The following PKN2 variants were observed in gnomAD, a reference collection of about 807,000 sequenced individuals.
The protein encoded by PKN2 is serine/threonine-protein kinase N2.
A neutral mutation model predicts 119.1 loss-of-function variants in PKN2; 38 were observed. The observed-to-expected ratio is 0.32, with a 90% confidence interval of 0.25 to 0.42. The LOEUF (loss-of-function observed/expected upper bound fraction) is 0.42, where lower values mean the gene tolerates loss of function less well. Among genes scored for constraint, PKN2 ranks in the 10% least tolerant of loss-of-function variants. The pLI is 1.00. For missense variants in PKN2, 850 were observed against 1,165.1 expected, an observed-to-expected ratio of 0.73 and a Z score of 3.94; for synonymous variants, 390 against 384.9, an observed-to-expected ratio of 1.01 and a Z score of -0.15.
At chr1:88,820,575 C>T (rs561695303) in intron 16 of PKN2, among the ~76,000 whole-genome samples, 49 of 151,326 alleles carry the variant, frequency 3.2e-4, no homozygotes, top group African/African-American at 1.1e-3. Flanking sequence ...AATTATTGAC[C>T]CATTTTTAAT....
intron 1 of PKN2, among the ~76,000 whole-genome samples, chr1:88,736,704 G>A (rs1226240160): frequency 1.3e-5 from 2 of 152,082 alleles, no homozygotes; most frequent in Non-Finnish European, 2.9e-5. Context: ...GAACATTGAG[G>A]GATTAGCTGT....
chr1:88,762,583 G>A (rs936954392), intron 3 of PKN2, among the ~76,000 whole-genome samples: 4 of 152,130 alleles, frequency 2.6e-5, no homozygotes, highest in Non-Finnish European at 5.9e-5. Context: ...CGGCTCTGGG[G>A]TGTAAGTGTA....
intron 2 of PKN2, among the ~76,000 whole-genome samples, chr1:88,754,397 AAC>A (rs1370565807): frequency 6.6e-6 from 1 of 152,204 alleles, no homozygotes; most frequent in African/African-American, 2.4e-5. Flanking sequence ...GCAGAGGAAA[AAC>A]AGATGTGAAA....
chr1:88,796,995 A>T (rs1173773627), intron 8 of PKN2, among the ~76,000 whole-genome samples: 1 of 152,064 alleles, frequency 6.6e-6, no homozygotes, highest in African/African-American at 2.4e-5. Flanking sequence ...GTGATTCCCA[A>T]ATAGATACAG....
At chr1:88,824,428 C>T (rs1672417175) in intron 18 of PKN2, 42 bp downstream of exon 18, 1 of 1,140,072 alleles carries the variant, frequency 8.8e-7, no homozygotes, top group African/African-American at 1.5e-5. Flanking sequence ...TTCAGAATTA[C>T]TGTTTCTTTG....
intron 1 of PKN2, chr1:88,684,862 A>G (rs547875084): frequency 2.2e-6 from 1 of 464,082 alleles, no homozygotes; most frequent in East Asian, 3.6e-5. Context: ...GATTCTGCCT[A>G]CCAGAGGGGA....
At chr1:88,756,521 A>G (rs1052559562) in intron 2 of PKN2, among the ~76,000 whole-genome samples, 3 of 152,152 alleles carry the variant, frequency 2.0e-5, no homozygotes, top group Admixed American at 2.0e-4. Context: ...TACACCATCA[A>G]CTGTTTTACA....
At chr1:88,806,182 T>G (rs1469151008) in intron 12 of PKN2, 165 bp downstream of exon 12, 1 of 636,604 alleles carries the variant, frequency 1.6e-6, no homozygotes, top group African/African-American at 1.8e-5. Context: ...GAGACAGAGT[T>G]TCACTCTTGT....
chr1:88,817,399 ACT>A (rs1057410325), intron 16 of PKN2, among the ~76,000 whole-genome samples: 3 of 139,278 alleles, frequency 2.2e-5, no homozygotes, highest in African/African-American at 8.4e-5. Flanking sequence ...ACAGAGCAAG[ACT>A]CTGTCTCAAA....
chr1:88,758,062 A>AAAAAAAAAAAAG (rs539880214), intron 2 of PKN2, among the ~76,000 whole-genome samples: 1 of 144,108 alleles, frequency 6.9e-6, no homozygotes, highest in African/African-American at 2.7e-5. Flanking sequence ...AAAAAAAAAA[A>AAAAAAAAAAAAG]AGAAGTGTTT....
chr1:88,729,941 G>A (rs568021533), intron 1 of PKN2, among the ~76,000 whole-genome samples: 14 of 152,196 alleles, frequency 9.2e-5, no homozygotes, highest in East Asian at 1.9e-4. Flanking sequence ...CAAGGCGGGC[G>A]GATCACGAGA....
At chr1:88,691,515 A>C (rs1463615855) in intron 1 of PKN2, among the ~76,000 whole-genome samples, 8 of 152,222 alleles carry the variant, frequency 5.3e-5, no homozygotes, top group Admixed American at 5.2e-4. Flanking sequence ...AAAATTTGTT[A>C]AACATCAGGC....
At chr1:88,728,265 A>G (rs1049014432) in intron 1 of PKN2, among the ~76,000 whole-genome samples, 4 of 152,108 alleles carry the variant, frequency 2.6e-5, no homozygotes, top group Admixed American at 6.5e-5. Context: ...GAAATTTGAC[A>G]GTTAATTTTT....
rs1669394553 is a variant in PKN2, at chr1:88,760,387, T to A, written c.504+11T>A. The A allele has an allele frequency of 1.4e-6, 2 of 1,411,532 alleles. No homozygotes were observed. Among genetic ancestry groups the A allele is most frequent in the Non-Finnish European group, 2.0e-6 (2 of 1,022,634 alleles). 87.4% of individuals were successfully genotyped at this position (1,411,532 alleles called of 1,614,324 possible). ...AATGGATCTTCAAAGGTAAGTGTAG[T>A]TAATAAATGTAACTATATAGTCAGT... On this transcript the variant is annotated intron_variant, in intron 3 of 21. Coordinates refer to ENST00000370521, the MANE Select transcript of PKN2 (RefSeq NM_006256.4).
chr1:88,829,560 C>T (rs905801323), intron 19 of PKN2: 1 of 158,804 alleles, frequency 6.3e-6, no homozygotes, highest in Non-Finnish European at 1.4e-5. Flanking sequence ...GAAATTATTA[C>T]TATTAGGAAA....
At chr1:88,741,640 CTTAAAG>C (rs1418535358) in intron 2 of PKN2, among the ~76,000 whole-genome samples, 3 of 152,234 alleles carry the variant, frequency 2.0e-5, no homozygotes, top group South Asian at 2.1e-4. Flanking sequence ...TGCCAGCTGA[CTTAAAG>C]TTAAAACTGT....
At chr1:88,738,201 T>A (rs1668431717) in intron 1 of PKN2, among the ~76,000 whole-genome samples, 1 of 151,954 alleles carries the variant, frequency 6.6e-6, no homozygotes, top group Non-Finnish European at 1.5e-5. Flanking sequence ...CAAACTAATC[T>A]GCCAAGCATA....
rs1409561652 is a variant in PKN2, at chr1:88,684,619, G to C, written c.39G>C (p.Thr13=). 1 of 1,562,914 alleles carries C rather than the reference G, an allele frequency of 6.4e-7. No individual in the cohort carries two copies. Among genetic ancestry groups the C allele is most frequent in the African/African-American group, 1.4e-5 (1 of 72,226 alleles). ...SNPERGEILL[T]ELQGDSRSLP... ...CCGAACGGGGGGAGATTCTGCTCACGGAACTGCAGGTAAGGGCCGCGGCCC... is the reference window on the plus strand; with the variant it reads ...CCGAACGGGGGGAGATTCTGCTCACCGAACTGCAGGTAAGGGCCGCGGCCC... The change falls in exon 1 of 22, where the codon ACG becomes ACC. Residue 13 remains threonine, a synonymous_variant. Coordinates refer to ENST00000370521, the MANE Select transcript of PKN2 (RefSeq NM_006256.4).
In PKN2 at chr1:88,827,862, G is replaced by A. The variant is rs140635195; in HGVS notation, c.2420-619G>A. Among the ~76,000 whole-genome samples the A allele has an allele frequency of 8.1e-3, 1,229 of 152,004 alleles. 7 individuals carry two copies. Among genetic ancestry groups the A allele is most frequent in the African/African-American group, 0.027 (1,134 of 41,438 alleles). ...AACCTCCCGAGTAGCTGAGATTACAGGCGGGAGCCACCATGCCCGGCTAAT... is the reference window on the plus strand; with the variant it reads ...AACCTCCCGAGTAGCTGAGATTACAAGCGGGAGCCACCATGCCCGGCTAAT... On this transcript the variant is annotated intron_variant, in intron 18 of 21. Transcript: ENST00000370521.
Sources: allele counts gnomAD v4.1 joint callset (sites outside exome capture counted in the v4.1 genomes callset), GRCh38; gene constraint gnomAD v4.1.1; transcripts MANE v1.5; gene names NCBI Gene and HGNC (gene_info 2026-07-23, HGNC 2026-07-21).